The following OTOF variants were observed in gnomAD, a reference collection of about 807,000 sequenced individuals.
The protein encoded by OTOF is fer-1-like family member 2.
In OTOF, 218 loss-of-function variants were observed where a neutral mutation model predicts 236.8. The observed-to-expected ratio is 0.92, with a 90% CI of 0.82 to 1.03. OTOF has a LOEUF of 1.03. Ranked by LOEUF, OTOF falls within the 50% of genes least tolerant of loss-of-function variation. The pLI, the probability that OTOF is intolerant of heterozygous loss-of-function variation, is 0.00. For synonymous variants in OTOF, 1,041 were observed against 1,072.5 expected, an observed-to-expected ratio of 0.97 and a Z score of 0.57; for missense variants, 2,590 against 2,694.4, an observed-to-expected ratio of 0.96 and a Z score of 0.86.
In OTOF at chr2:26,458,091, G is replaced by C; in HGVS notation, c.*147C>G. 1 of 1,614,218 alleles carries C rather than the reference G, an allele frequency of 6.2e-7. No individual in the cohort carries two copies. Among genetic ancestry groups the C allele is most frequent in the East Asian group, 2.2e-5 (1 of 44,896 alleles). ...TGTAGCCAGGGAGGCTGTAGAGGAA[G>C]AGCCCCAACATGAGCAGCCCCAACA... On this transcript the variant is annotated 3_prime_UTR_variant, in exon 47 of 47. Coordinates refer to ENST00000272371, the MANE Select transcript of OTOF (RefSeq NM_194248.3).
At chr2:26,545,937 T>C (rs1339236944) in intron 1 of OTOF, among the ~76,000 whole-genome samples, 11 of 152,170 alleles carry the variant, frequency 7.2e-5, no homozygotes, top group East Asian at 1.9e-4. Context: ...TTAAATATAG[T>C]TGACCCTTGA....
intron 2 of OTOF, among the ~76,000 whole-genome samples, chr2:26,535,164 G>A (rs4665873): frequency 0.37 from 55,516 of 152,088 alleles, 12,604 homozygotes; most frequent in Admixed American, 0.53. Flanking sequence ...GGCAGGGGGT[G>A]TGGAGAGACT....
In OTOF at chr2:26,457,860, CA is replaced by C; in HGVS notation, c.*377del. 1 of 646,174 alleles carries C rather than the reference CA, an allele frequency of 1.5e-6. No individual in the cohort carries two copies. Among genetic ancestry groups the C allele is most frequent in the Non-Finnish European group, 2.7e-6 (1 of 374,456 alleles). 40.0% of individuals were successfully genotyped at this position (646,174 alleles called of 1,614,324 possible). On this transcript the variant is annotated 3_prime_UTR_variant, in exon 47 of 47. Coordinates refer to ENST00000272371, the MANE Select transcript of OTOF (RefSeq NM_194248.3). The surrounding 1 kb of genome is among the most constrained non-coding windows in gnomAD (Gnocchi z 4.4). ...CAGGGGTCAGAGGGGCGGGACTGGGCAAGCCGCAGCCTGGGGCAGTGAGGAC... is the reference window on the plus strand; with the variant it reads ...CAGGGGTCAGAGGGGCGGGACTGGGCAGCCGCAGCCTGGGGCAGTGAGGAC...
At chr2:26,513,510 C>T (rs1666442471) in intron 5 of OTOF, among the ~76,000 whole-genome samples, 2 of 152,190 alleles carry the variant, frequency 1.3e-5, no homozygotes, top group Admixed American at 6.5e-5. Flanking sequence ...CCCCGCAGCC[C>T]CCAGCAGGCC....
At position 26,480,249 on chromosome 2, in the gene OTOF, G is replaced by A. The variant is rs762720965; in HGVS notation, c.1866C>T (p.Ile622=). The A allele has an allele frequency of 1.9e-6, 3 of 1,612,974 alleles. No homozygotes were observed. The highest frequency in any genetic ancestry group is 2.5e-6 in the Non-Finnish European group (3 of 1,179,568). ...TGGGCTTGTCTCCGTTTCTCCGGTC[G>A]ATCATTGAGGCCTCCAGGAAGGCTC... ...LFGAFLEASM[I]DRRNGDKPIT... is the part of the protein sequence containing the mutation. Residue 622 remains isoleucine, a synonymous_variant, in exon 16 of 47, where the codon ATC becomes ATT. Coordinates refer to ENST00000272371, the MANE Select transcript of OTOF (RefSeq NM_194248.3).
Position 26,496,340 on chromosome 2 carries a change from T to C in OTOF, c.766-1267A>G, listed in dbSNP as rs147958073. 2.4e-3 allele frequency among the ~76,000 whole-genome samples: 363 copies of C among 151,618 alleles called. 2 individuals are homozygous for C. Among genetic ancestry groups the C allele is most frequent in the African/African-American group, 8.3e-3 (343 of 41,230 alleles). ...GCCTCCACCTCCTGGGTTCAAGCGATTCTTCTGCCCCAGCCTCCCAAGTAG... is the reference window on the plus strand; with the variant it reads ...GCCTCCACCTCCTGGGTTCAAGCGACTCTTCTGCCCCAGCCTCCCAAGTAG... On this transcript the variant is annotated intron_variant, in intron 8 of 46. Transcript: ENST00000272371.
chr2:26,501,432 C>CT lies in OTOF; in HGVS notation c.765+321dup, dbSNP rs375207986. On this transcript the variant is annotated intron_variant, in intron 8 of 46. Transcript: ENST00000272371. ...GGCCCTTATTTTAACTGTTTGAATACTTTTTTGTAGTTCTTGGTCTCTTTA... is the reference window on the plus strand; with the variant it reads ...GGCCCTTATTTTAACTGTTTGAATACTTTTTTTGTAGTTCTTGGTCTCTTTA... Among the ~76,000 whole-genome samples the CT allele has an allele frequency of 2.0e-3, 303 of 152,276 alleles. 5 individuals carry two copies. The highest frequency in any genetic ancestry group is 5.9e-3 in the African/African-American group (246 of 41,560).
In OTOF at chr2:26,498,084, A is replaced by G. The variant is rs113863123; in HGVS notation, c.766-3011T>C. Among the ~76,000 whole-genome samples, 362 of 152,342 alleles carry G rather than the reference A, an allele frequency of 2.4e-3. 2 individuals carry two copies. The highest frequency in any genetic ancestry group is 8.5e-3 in the African/African-American group (352 of 41,576). On this transcript the variant is annotated intron_variant, in intron 8 of 46. Transcript: ENST00000272371. ...AGCAGCAAGTCCTCTTCCCACTGCC[A>G]AGAGAGTGGTTGGTTTTTATGTTTT...
intron 2 of OTOF, among the ~76,000 whole-genome samples, chr2:26,533,736 C>T (rs181230933): frequency 2.6e-5 from 4 of 152,286 alleles, no homozygotes. Context: ...GGTCTGGGCA[C>T]AGGCCTGCGG....
chr2:26,509,475 T>C (rs116219951), intron 5 of OTOF, among the ~76,000 whole-genome samples: 1,776 of 152,340 alleles, frequency 0.012, 13 homozygotes, highest in Non-Finnish European at 0.017. Flanking sequence ...TGCATCATCA[T>C]TGCTTTTGCT....
chr2:26,465,704 G>T lies in OTOF; in HGVS notation c.4767C>A (p.Arg1589=). Residue 1589 remains arginine, a synonymous_variant, in exon 38 of 47, where the codon CGC becomes CGA. Coordinates refer to ENST00000272371, the MANE Select transcript of OTOF (RefSeq NM_194248.3). ...AGGTCTGGGCGATGCCGCAGGTGGC[G>T]CGGTGCTTGCTGTAGAAGCGGTTCT... ...DLENRFYSKH[R]ATCGIAQTYS... The T allele has an allele frequency of 6.2e-7, 1 of 1,614,254 alleles. No individual in the cohort carries two copies.
chr2:26,471,697 ACT>A (rs1441401946), intron 30 of OTOF, among the ~76,000 whole-genome samples: 1 of 152,094 alleles, frequency 6.6e-6, no homozygotes, highest in Non-Finnish European at 1.5e-5. Context: ...GTGATGGCTC[ACT>A]CTGTCTCTCA....
Position 26,478,112 on chromosome 2 carries a change from A to G in OTOF, c.2215-363T>C, listed in dbSNP as rs2148053296. On this transcript the variant is annotated intron_variant, in intron 18 of 46. Coordinates refer to ENST00000272371, the MANE Select transcript of OTOF (RefSeq NM_194248.3). ...CTGGATGTGCCAAGATCCTGACGTC[A>G]CTCCAGAATGCTGGAGCCTGTGGCA... 3.3e-6 allele frequency: 4 copies of G among 1,216,248 alleles called. No individual in the cohort carries two copies. The East Asian group carries it at 8.7e-5, about 27-fold the overall frequency. The allele number at this position is 1,216,248 out of a possible 1,614,324, so 75.3% of individuals were successfully genotyped here. A position where few individuals can be genotyped will look rare whatever the true frequency, so the allele number is the denominator to read the frequency against.
rs80356586 is a variant in OTOF at position 26,482,441 on chromosome 2, A to G, written c.1544T>C (p.Ile515Thr). The change falls in exon 14 of 47, where the codon ATT becomes ACT. Residue 515 changes from isoleucine to threonine, a missense_variant. Ile to Thr is a moderately conservative substitution (Grantham distance 89). This residue lies in a region of OTOF where 1,379 missense variants were observed against 1,341.6 expected (regional missense o/e 1.03). Transcript: ENST00000272371. ...VNDVAIGTHF[I>T]DLRKISNDGD... is the part of the protein sequence containing the mutation. The stretch of plus-strand genomic sequence containing the variant: ...GTCATTAGAAATCTTGCGCAGGTCA[A>G]TGAAGTGGGTGCCGATGGCCACGTC... 27 of 1,613,254 alleles carry G rather than the reference A, an allele frequency of 1.7e-5. No homozygotes were observed. Among genetic ancestry groups the G allele is most frequent in the Non-Finnish European group, 1.9e-5 (22 of 1,180,038 alleles).
chr2:26,472,075 C>A (rs575645483), intron 30 of OTOF, among the ~76,000 whole-genome samples: 2 of 151,996 alleles, frequency 1.3e-5, no homozygotes, highest in South Asian at 4.2e-4. Flanking sequence ...CATGCATGCA[C>A]GTGCATATGA....
rs1410406246 is a variant in OTOF at position 26,461,925 on chromosome 2, G to C, written c.5304C>G (p.Gly1768=). The change falls in exon 43 of 47, where the codon GGC becomes GGG. Residue 1768 remains glycine (G), a synonymous_variant. Coordinates refer to ENST00000272371, the MANE Select transcript of OTOF (RefSeq NM_194248.3). This position sits in a 1 kb window ranked among gnomAD's most constrained non-coding sequence, Gnocchi z 6.2. ...CTGTGTCCTGCTTGTCCTCCTGCTG[G>C]CCCTTCAGCCACCTGTGGGCGCCAC... is the stretch of plus-strand genomic sequence containing the variant. The part of the protein sequence containing the change: ...SDIFVRGWLK[G]QQEDKQDTDV... 1.2e-6 allele frequency: 2 copies of C among 1,614,058 alleles called. No individual in the cohort carries two copies. The highest frequency in any genetic ancestry group is 1.7e-6 in the Non-Finnish European group (2 of 1,179,990).
chr2:26,511,535 A>C (rs1341709081), intron 5 of OTOF, among the ~76,000 whole-genome samples: 1 of 152,250 alleles, frequency 6.6e-6, no homozygotes, highest in Non-Finnish European at 1.5e-5. Context: ...TTGCCCAGGT[A>C]GACTTGACTG....
chr2:26,550,258 G>A lies in OTOF; in HGVS notation c.79+8235C>T, dbSNP rs960793636. Among the ~76,000 whole-genome samples the A allele has an allele frequency of 2.6e-5, 4 of 152,168 alleles. No individual in the cohort carries two copies. In the East Asian group the frequency reaches 7.7e-4, roughly 29 times the overall value. On this transcript the variant is annotated intron_variant, in intron 1 of 46. Coordinates refer to ENST00000272371, the MANE Select transcript of OTOF (RefSeq NM_194248.3). ...AGACAGAAAGCGGTCAAGCGGTCTAGGGTAAAAATGATCACATGATAGTCC... is the reference window on the plus strand; with the variant it reads ...AGACAGAAAGCGGTCAAGCGGTCTAAGGTAAAAATGATCACATGATAGTCC...
intron 46 of OTOF, among the ~76,000 whole-genome samples, chr2:26,459,335 G>A (rs893638901): frequency 5.3e-5 from 8 of 150,410 alleles, no homozygotes; most frequent in Admixed American, 2.0e-4. Context: ...GGCGGATCAC[G>A]AGGTCAGGAG....
Sources: allele counts gnomAD v4.1 joint callset (sites outside exome capture counted in the v4.1 genomes callset), GRCh38; gene constraint gnomAD v4.1.1; regional missense constraint gnomAD v4.1.1; non-coding constraint Gnocchi (gnomAD v3.1); transcripts MANE v1.5; gene names NCBI Gene and HGNC (gene_info 2026-07-23, HGNC 2026-07-21).